The following CHKA variants were observed in gnomAD, a reference collection of about 807,000 sequenced individuals.
CHKA encodes the protein choline kinase alpha, also known as CHETK-alpha.
A neutral mutation model predicts 60.1 loss-of-function variants in CHKA; 34 were observed. The ratio of observed to expected loss-of-function variants is 0.57; its 90% CI spans 0.43 to 0.75. The LOEUF is 0.75. CHKA is among the 30% of genes least tolerant of loss of function. CHKA has a pLI of 0.00. For missense variants in CHKA, 563 were observed against 561.3 expected (o/e 1.00, Z -0.03); for synonymous variants, 217 against 223.1 (o/e 0.97, Z 0.24).
chr11:68,079,700 T>G (rs1292550914), intron 3 of CHKA, among the ~76,000 whole-genome samples: 1 of 152,150 alleles, frequency 6.6e-6, no homozygotes, highest in Admixed American at 6.5e-5. Context: ...AAAAATAAAT[T>G]CATATAAAAT....
At chr11:68,069,511 C>G (rs1856547339) in intron 6 of CHKA, among the ~76,000 whole-genome samples, 1 of 151,974 alleles carries the variant, frequency 6.6e-6, no homozygotes, top group South Asian at 2.1e-4. Flanking sequence ...ATGGTGTAAC[C>G]CCATCTCCAC....
intron 2 of CHKA, among the ~76,000 whole-genome samples, chr11:68,085,930 T>C (rs1212199450): frequency 6.6e-6 from 1 of 152,076 alleles, no homozygotes; most frequent in African/African-American, 2.4e-5. Flanking sequence ...CGCCCGGCTA[T>C]TTAGGCTTTG....
At chr11:68,113,987 G>A (rs543359126) in intron 1 of CHKA, among the ~76,000 whole-genome samples, 1 of 151,672 alleles carries the variant, frequency 6.6e-6, no homozygotes, top group African/African-American at 2.4e-5. Context: ...GTGAAACTCT[G>A]TCTCAAAAAA....
At chr11:68,100,361 G>A (rs536752039) in intron 1 of CHKA, among the ~76,000 whole-genome samples, 70 of 152,104 alleles carry the variant, frequency 4.6e-4, no homozygotes, top group African/African-American at 1.6e-3. Context: ...AGGCTGAGGC[G>A]GGCAGATCAC....
In CHKA at chr11:68,105,514, C is replaced by CA. The variant is rs1170085830; in HGVS notation, c.351-8385dup. Among the ~76,000 whole-genome samples, 331 of 64,916 alleles carry CA rather than the reference C, an allele frequency of 5.1e-3. 15 individuals are homozygous for CA. Among genetic ancestry groups the CA allele is most frequent in the African/African-American group, 6.2e-3 (104 of 16,852 alleles). The allele number at this position is 64,916 out of a possible 152,430, so 42.6% of individuals were successfully genotyped here. On this transcript the variant is annotated intron_variant, in intron 1 of 11. Coordinates refer to ENST00000265689, the MANE Select transcript of CHKA (RefSeq NM_001277.3). The stretch of plus-strand genomic sequence containing the variant: ...TGGGCAGCAGAGTGAGACTCCATCT[C>CA]AAAAAAAAAAAAAAAAAAAAAAAAA...
intron 3 of CHKA, among the ~76,000 whole-genome samples, chr11:68,080,290 TATC>T (rs935528728): frequency 9.9e-5 from 15 of 152,110 alleles, no homozygotes; most frequent in African/African-American, 3.6e-4. Flanking sequence ...GTGGAAAAAA[TATC>T]ATCACTTTCA....
chr11:68,057,339 A>C (rs1418472430), intron 11 of CHKA, among the ~76,000 whole-genome samples: 1 of 151,654 alleles, frequency 6.6e-6, no homozygotes, highest in Non-Finnish European at 1.5e-5. Flanking sequence ...TTCTTTTTTG[A>C]GACGGAGTCT....
At chr11:68,061,366 GA>G (rs1565172213) in intron 11 of CHKA, 1 of 173,214 alleles carries the variant, frequency 5.8e-6, no homozygotes, top group African/African-American at 2.4e-5. Flanking sequence ...TCAGCCTCCC[GA>G]AGTGCTGGGA....
chr11:68,118,859 C>T (rs552282731), intron 1 of CHKA, among the ~76,000 whole-genome samples: 1 of 152,334 alleles, frequency 6.6e-6, no homozygotes, highest in Admixed American at 6.5e-5. Context: ...TGCTGAGTGA[C>T]TCTCCCTGGA....
At chr11:68,115,450 G>C (rs1269984014) in intron 1 of CHKA, among the ~76,000 whole-genome samples, 1 of 152,184 alleles carries the variant, frequency 6.6e-6, no homozygotes, top group Admixed American at 6.6e-5. Context: ...CCATTCTGGT[G>C]GGGGAAGTTG....
chr11:68,113,023 A>G (rs1858226271), intron 1 of CHKA, among the ~76,000 whole-genome samples: 1 of 134,480 alleles, frequency 7.4e-6, no homozygotes, highest in Admixed American at 8.5e-5. Flanking sequence ...CGGAGCTTGC[A>G]GTGAGCCAAG....
At chr11:68,118,574 T>G (rs1452979794) in intron 1 of CHKA, among the ~76,000 whole-genome samples, 1 of 152,192 alleles carries the variant, frequency 6.6e-6, no homozygotes, top group Non-Finnish European at 1.5e-5. Flanking sequence ...TCTCCGCACC[T>G]CCAAATGCCC....
chr11:68,120,990 A>G lies in CHKA; in HGVS notation c.188T>C (p.Leu63Pro), dbSNP rs1420801802. The G allele has an allele frequency of 1.9e-5, 21 of 1,115,422 alleles. No individual in the cohort carries two copies. The highest frequency in any genetic ancestry group is 5.0e-5 in the Admixed American group (1 of 19,962). 69.1% of individuals were successfully genotyped at this position (1,115,422 alleles called of 1,614,324 possible). A position where few individuals can be genotyped will look rare whatever the true frequency, so the allele number is the denominator to read the frequency against. Residue 63 changes from leucine (L) to proline (P), a missense_variant, in exon 1 of 12, where the codon CTG becomes CCG. Coordinates refer to ENST00000265689, the MANE Select transcript of CHKA (RefSeq NM_001277.3). ...PPLALPPPPP[L>P]PLPLPLPQPP... ...CTGGGGCAGCGGCAGCGGCAGCGGC[A>G]GCGGCGGCGGAGGGGGCAGCGCGAG... is the stretch of plus-strand genomic sequence containing the variant.
chr11:68,071,726 C>T (rs147091914), intron 4 of CHKA, among the ~76,000 whole-genome samples: 3 of 152,354 alleles, frequency 2.0e-5, no homozygotes, highest in East Asian at 3.9e-4. Context: ...TTACCTCATA[C>T]ATCTGTGTGT....
intron 2 of CHKA, among the ~76,000 whole-genome samples, chr11:68,082,950 C>A (rs1432112659): frequency 1.3e-5 from 2 of 152,198 alleles, no homozygotes; most frequent in African/African-American, 4.8e-5. Context: ...GCTTTCAGAT[C>A]TTTGCAGATG....
chr11:68,081,556 A>T, intron 2 of CHKA, 99 bp from the exon 3 acceptor site: 1 of 938,308 alleles, frequency 1.1e-6, no homozygotes, highest in South Asian at 1.4e-5. Context: ...ACAAAACATC[A>T]CAGGTCTTTA....
intron 1 of CHKA, among the ~76,000 whole-genome samples, chr11:68,113,845 G>A (rs1258852485): frequency 6.6e-6 from 1 of 151,956 alleles, no homozygotes; most frequent in African/African-American, 2.4e-5. Flanking sequence ...CCAAAAATTA[G>A]CTAGGCGTAG....
intron 1 of CHKA, among the ~76,000 whole-genome samples, chr11:68,102,872 G>A (rs1316598942): frequency 1.3e-5 from 2 of 152,094 alleles, no homozygotes; most frequent in East Asian, 3.8e-4. Context: ...TTAAAAAATG[G>A]ACACCAGCTA....
At chr11:68,080,824 A>C (rs923554589) in intron 3 of CHKA, among the ~76,000 whole-genome samples, 1 of 152,164 alleles carries the variant, frequency 6.6e-6, no homozygotes, top group Non-Finnish European at 1.5e-5. Context: ...GCAGACCAAC[A>C]CCCCAGACCC....
Sources: allele counts gnomAD v4.1 joint callset (sites outside exome capture counted in the v4.1 genomes callset), GRCh38; gene constraint gnomAD v4.1.1; transcripts MANE v1.5; gene names NCBI Gene and HGNC (gene_info 2026-07-23, HGNC 2026-07-21).